ATP8A2: variants seen among roughly 807,000 people sequenced by gnomAD.
ATP8A2 encodes phospholipid-transporting ATPase IB.
In ATP8A2, 100 loss-of-function variants were observed where a neutral mutation model predicts 165.6. The ratio of observed to expected loss-of-function variants is 0.60; its 90% confidence interval spans 0.51 to 0.71. The LOEUF (loss-of-function observed/expected upper bound fraction) is 0.71. Ranked by LOEUF, ATP8A2 falls within the 30% of genes least tolerant of loss-of-function variation. ATP8A2 has a pLI of 0.00. For synonymous variants in ATP8A2, 543 were observed against 548.8 expected, an observed-to-expected ratio of 0.99 and a Z score of 0.15; for missense variants, 1,227 against 1,479.5, an observed-to-expected ratio of 0.83 and a Z score of 2.80.
At chr13:25,708,104 C>T (rs571141310) in intron 25 of ATP8A2, among the ~76,000 whole-genome samples, 1 of 152,198 alleles carries the variant, frequency 6.6e-6, no homozygotes, top group South Asian at 2.1e-4. Context: ...TTTGACAATA[C>T]TGCTTGCCAA....
At chr13:25,741,031 T>C (rs1347692316) in intron 25 of ATP8A2, among the ~76,000 whole-genome samples, 1 of 152,214 alleles carries the variant, frequency 6.6e-6, no homozygotes, top group East Asian at 1.9e-4. Flanking sequence ...GCTATGTGAG[T>C]AACCAGACAT....
intron 24 of ATP8A2, among the ~76,000 whole-genome samples, chr13:25,689,425 T>C (rs2137853787): frequency 6.6e-6 from 1 of 152,330 alleles, no homozygotes; most frequent in African/African-American, 2.4e-5. Flanking sequence ...AAACGCTCTT[T>C]GTAAACTTAA....
chr13:25,750,187 C>T lies in ATP8A2; in HGVS notation c.2385-18859C>T, dbSNP rs146320079. On this transcript the variant is annotated intron_variant, in intron 25 of 36. Transcript: ENST00000381655. This position sits in a 1 kb window ranked among gnomAD's most constrained non-coding sequence, Gnocchi z 4.3. ...TTCGGTGAAGTCCTCCCTGAAGGGT[C>T]ACTGGTCCAGTTCGTGTGGAAGACA... 1.3e-5 allele frequency among the ~76,000 whole-genome samples: 2 copies of T among 152,292 alleles called. No homozygotes were observed. Among genetic ancestry groups the T allele is most frequent in the East Asian group, 3.9e-4 (2 of 5,182 alleles).
At chr13:25,752,336 C>T (rs2044169530) in intron 25 of ATP8A2, among the ~76,000 whole-genome samples, 1 of 152,090 alleles carries the variant, frequency 6.6e-6, no homozygotes, top group African/African-American at 2.4e-5. Flanking sequence ...TGGCATACCC[C>T]TGTAGTCCTA....
intron 1 of ATP8A2, among the ~76,000 whole-genome samples, chr13:25,459,891 T>C (rs1031385579): frequency 1.3e-5 from 2 of 152,120 alleles, no homozygotes; most frequent in Non-Finnish European, 2.9e-5. Flanking sequence ...TTGGCCAAGC[T>C]GTGTGGGTCT....
intron 24 of ATP8A2, among the ~76,000 whole-genome samples, chr13:25,680,323 G>C (rs2042458776): frequency 6.6e-6 from 1 of 152,206 alleles, no homozygotes; most frequent in African/African-American, 2.4e-5. Flanking sequence ...TGGAGGCTGA[G>C]ATGGAAGTTA....
intron 25 of ATP8A2, among the ~76,000 whole-genome samples, chr13:25,708,584 G>A (rs2043099136): frequency 1.3e-5 from 2 of 152,056 alleles, no homozygotes; most frequent in East Asian, 1.9e-4. Context: ...TTCTGCCTAT[G>A]ACTTTAAAAA....
At position 25,774,961 on chromosome 13, in the gene ATP8A2, TAAG is replaced by T. The variant is rs1190993934; in HGVS notation, c.2679+6_2679+8del. ...AACGTGGTCCTGTATATTATTGAGGTAAGAAGGGGTATTTTTTTTCCTTGAAGA... is the reference window on the plus strand; with the variant it reads ...AACGTGGTCCTGTATATTATTGAGGTAAGGGGTATTTTTTTTCCTTGAAGA... On this transcript the variant is annotated splice_donor_5th_base_variant and intron_variant, in intron 27 of 36. Transcript: ENST00000381655. 1 of 1,514,220 alleles carries T rather than the reference TAAG, an allele frequency of 6.6e-7. No individual in the cohort carries two copies. The highest frequency in any genetic ancestry group is 9.1e-7 in the Non-Finnish European group (1 of 1,098,676). 93.8% of individuals were successfully genotyped at this position (1,514,220 alleles called of 1,614,324 possible). A position where few individuals can be genotyped will look rare whatever the true frequency, so the allele number is the denominator to read the frequency against.
At position 25,993,361 on chromosome 13, in the gene ATP8A2, A is replaced by T. The variant is rs1956433113; in HGVS notation, c.3378-19170A>T. Among the ~76,000 whole-genome samples the T allele has an allele frequency of 2.6e-5, 4 of 152,280 alleles. 1 individual carries two copies. The South Asian group carries it at 8.3e-4, about 32-fold the overall frequency. On this transcript the variant is annotated intron_variant, in intron 35 of 36. Transcript: ENST00000381655. ...GCACAAGACAGGGTTGCCCTCTCTC[A>T]CCACTCCTATTCAACATAGTGTTGG... is the stretch of plus-strand genomic sequence containing the variant.
intron 35 of ATP8A2, among the ~76,000 whole-genome samples, chr13:25,969,971 C>G (rs1303280437): frequency 1.3e-5 from 2 of 152,118 alleles, no homozygotes; most frequent in African/African-American, 4.8e-5. Context: ...TTTCAGGGAC[C>G]TACCGTGCTC....
At chr13:25,966,029 G>GAAAAAAAAAAA (rs61635155) in intron 34 of ATP8A2, among the ~76,000 whole-genome samples, 2 of 133,554 alleles carry the variant, frequency 1.5e-5, no homozygotes, top group East Asian at 2.2e-4. Flanking sequence ...AAGAGTTTCA[G>GAAAAAAAAAAA]AAAAAAAAAA....
intron 35 of ATP8A2, among the ~76,000 whole-genome samples, chr13:26,005,820 C>T (rs1317948981): frequency 2.0e-5 from 3 of 151,814 alleles, no homozygotes; most frequent in Admixed American, 6.6e-5. Context: ...ATTAAGTGAC[C>T]ATTGATGTAT....
Position 25,543,331 on chromosome 13 carries a change from A to G in ATP8A2, c.820A>G (p.Thr274Ala), listed in dbSNP as rs369001798. The G allele has an allele frequency of 1.2e-6, 2 of 1,613,260 alleles. No homozygotes were observed. Among genetic ancestry groups the G allele is most frequent in the African/African-American group, 2.7e-5 (2 of 74,926 alleles). ...GCCTGACCAGATCTTATTAAGAGGT[A>G]CACAGCTTAGAAATACTCAGTGGGT... ...LGPDQILLRG[T>A]QLRNTQWVFG... Residue 274 changes from threonine to alanine, a missense_variant, in exon 10 of 37, where the codon ACA becomes GCA. Thr to Ala is a moderately conservative substitution (Grantham distance 58). Coordinates refer to ENST00000381655, the MANE Select transcript of ATP8A2 (RefSeq NM_016529.6).
intron 30 of ATP8A2, among the ~76,000 whole-genome samples, chr13:25,857,600 G>C (rs1303221486): frequency 8.0e-6 from 1 of 125,294 alleles, no homozygotes; most frequent in Non-Finnish European, 1.6e-5. Flanking sequence ...TTGAGGCAGA[G>C]TCTCACTCTG....
chr13:25,405,601 G>A (rs920410224), intron 1 of ATP8A2, among the ~76,000 whole-genome samples: 1 of 152,088 alleles, frequency 6.6e-6, no homozygotes, highest in Non-Finnish European at 1.5e-5. Context: ...GGGCAGCCAG[G>A]TACTGCCCAA....
intron 27 of ATP8A2, among the ~76,000 whole-genome samples, chr13:25,821,070 A>C (rs972535706): frequency 6.6e-6 from 1 of 152,180 alleles, no homozygotes; most frequent in Non-Finnish European, 1.5e-5. Flanking sequence ...GAGCTTGTTT[A>C]TGCTTCTCAA....
intron 24 of ATP8A2, among the ~76,000 whole-genome samples, chr13:25,598,214 C>T (rs2138352354): frequency 6.6e-6 from 1 of 152,276 alleles, no homozygotes; most frequent in Middle Eastern, 3.4e-3. Context: ...TAATTTATTG[C>T]ATTTGTGTAT....
chr13:25,410,292 A>T (rs2033930921), intron 1 of ATP8A2, among the ~76,000 whole-genome samples: 3 of 152,056 alleles, frequency 2.0e-5, no homozygotes, highest in Non-Finnish European at 2.9e-5. Flanking sequence ...CCTTCGTCAA[A>T]TGCTATTTGT....
At chr13:25,534,010 A>G (rs1290184891) in intron 6 of ATP8A2, among the ~76,000 whole-genome samples, 6 of 152,246 alleles carry the variant, frequency 3.9e-5, no homozygotes, top group African/African-American at 1.2e-4. Context: ...CATGATTTCA[A>G]AAGAAAACAG....
Sources: allele counts gnomAD v4.1 joint callset (sites outside exome capture counted in the v4.1 genomes callset), GRCh38; gene constraint gnomAD v4.1.1; non-coding constraint Gnocchi (gnomAD v3.1); transcripts MANE v1.5; gene names NCBI Gene and HGNC (gene_info 2026-07-23, HGNC 2026-07-21).